Variants in DRAM1 observed in about 807,000 individuals in gnomAD.
DRAM1 encodes DNA damage-regulated autophagy modulator protein 1.
Under a neutral mutation model 28.5 loss-of-function variants are expected in DRAM1, and 25 were observed. The observed-to-expected ratio is 0.88, with a 90% CI of 0.64 to 1.23. The LOEUF (loss-of-function observed/expected upper bound fraction) is 1.23. Among genes scored for constraint, DRAM1 ranks in the 50% most tolerant of loss-of-function variants. The probability of loss-of-function intolerance (pLI) is 0.00; values close to 1 mark genes in which losing one functional copy is unlikely to be tolerated. For missense variants in DRAM1, 249 were observed against 299.2 expected (o/e 0.83, Z 1.24); for synonymous variants, 113 against 114.2 (o/e 0.99, Z 0.07).
chr12:101,883,537 A>G (rs1186848828), intron 1 of DRAM1, among the ~76,000 whole-genome samples: 1 of 151,190 alleles, frequency 6.6e-6, no homozygotes, highest in East Asian at 2.0e-4. Context: ...GGTGGTCTCG[A>G]TCTCCTGACT....
rs1873446988 is a variant in DRAM1, at chr12:101,897,910, T to G, written c.179T>G (p.Ile60Arg). 39 of 1,604,978 alleles carry G rather than the reference T, an allele frequency of 2.4e-5. No individual in the cohort carries two copies. The highest frequency in any genetic ancestry group is 3.2e-5 in the Non-Finnish European group (37 of 1,172,196). ...GAGAGTGGTATTTTTGGATTTATGA[T>G]AAACTTCTCTGCATTTCTTGGTAAG... Reference protein sequence around the residue: ...PPESGIFGFMINFSAFLGAAT... With the variant: ...PPESGIFGFMRNFSAFLGAAT... The change falls in exon 2 of 7, where the codon ATA (isoleucine) becomes AGA (arginine). Residue 60 changes from isoleucine to arginine, a missense_variant. Physicochemically the swap from Ile to Arg is moderately conservative, Grantham distance 97. This residue lies in a region of DRAM1 where 218 missense variants were observed against 243.1 expected (regional missense o/e 0.90). Transcript: ENST00000258534.
intron 3 of DRAM1, among the ~76,000 whole-genome samples, chr12:101,907,384 G>T (rs962664156): frequency 1.4e-5 from 2 of 147,758 alleles, no homozygotes; most frequent in African/African-American, 2.5e-5. Context: ...ACGTACTTTG[G>T]TTTTTTTTTT....
chr12:101,890,108 T>C (rs1225773379), intron 1 of DRAM1: 1 of 451,004 alleles, frequency 2.2e-6, no homozygotes, highest in East Asian at 7.0e-5. Context: ...AGATGAAGCC[T>C]CACTCTGTCG....
chr12:101,907,455 G>T (rs1873863355), intron 3 of DRAM1, among the ~76,000 whole-genome samples: 1 of 151,780 alleles, frequency 6.6e-6, no homozygotes, highest in Non-Finnish European at 1.5e-5. Flanking sequence ...AACAAAAAAG[G>T]CAGGGTTGGG....
chr12:101,918,471 C>G (rs555694977), intron 5 of DRAM1, among the ~76,000 whole-genome samples: 1 of 152,296 alleles, frequency 6.6e-6, no homozygotes, highest in African/African-American at 2.4e-5. Context: ...GTAGGCTGGT[C>G]AGGTCCTCCT....
At chr12:101,895,634 G>T (rs1204147359) in intron 1 of DRAM1, among the ~76,000 whole-genome samples, 1 of 132,108 alleles carries the variant, frequency 7.6e-6, no homozygotes, top group African/African-American at 2.9e-5. Flanking sequence ...ACAGTGGCAC[G>T]ATCTCGGCTC....
intron 5 of DRAM1, 73 bp downstream of exon 5, chr12:101,914,305 G>C (rs181747532): frequency 8.7e-7 from 1 of 1,151,474 alleles, no homozygotes; most frequent in East Asian, 2.4e-5. Flanking sequence ...TAGGCATAGG[G>C]AAGATCACTG....
intron 1 of DRAM1, among the ~76,000 whole-genome samples, chr12:101,879,831 T>A (rs1872628259): frequency 6.6e-6 from 1 of 151,936 alleles, no homozygotes; most frequent in Non-Finnish European, 1.5e-5. Flanking sequence ...TCATCTCTAC[T>A]AAAAATACAG....
At chr12:101,909,963 T>C (rs1053418773) in intron 4 of DRAM1, among the ~76,000 whole-genome samples, 3 of 152,234 alleles carry the variant, frequency 2.0e-5, no homozygotes, top group African/African-American at 7.2e-5. Flanking sequence ...GCGGCAATTT[T>C]GTTAGTCTGG....
chr12:101,921,164 G>A (rs374955800), intron 6 of DRAM1, 52 bp from the exon 7 acceptor site: 86 of 1,295,498 alleles, frequency 6.6e-5, no homozygotes, highest in Admixed American at 1.0e-4. Context: ...CATTGTCAAC[G>A]CTGGGATTGT....
At chr12:101,909,203 G>A (rs1873942599) in intron 4 of DRAM1, among the ~76,000 whole-genome samples, 1 of 150,380 alleles carries the variant, frequency 6.6e-6, no homozygotes. Flanking sequence ...GGAGGTTGCA[G>A]TGAGCCGAGA....
At chr12:101,891,952 A>G (rs922700625) in intron 1 of DRAM1, among the ~76,000 whole-genome samples, 1 of 152,066 alleles carries the variant, frequency 6.6e-6, no homozygotes, top group Non-Finnish European at 1.5e-5. Context: ...AAATACTACT[A>G]CCTCTGCCCT....
rs369209052 is a variant in DRAM1 at position 101,877,938 on chromosome 12, C to T, written c.131+18C>T. On this transcript the variant is annotated intron_variant, in intron 1 of 6. Transcript: ENST00000258534. This position sits in a 1 kb window ranked among gnomAD's most constrained non-coding sequence, Gnocchi z 4.1. ...TATATCAGGTGAGTGGCAGGGTGGG[C>T]GTCAGGGCCCCAGGAGCAGGCACAG... is the stretch of plus-strand genomic sequence containing the variant. The T allele has an allele frequency of 1.1e-4, 174 of 1,513,490 alleles. No individual in the cohort carries two copies. Among genetic ancestry groups the T allele is most frequent in the Middle Eastern group, 1.7e-4 (1 of 5,844 alleles). The allele number at this position is 1,513,490 out of a possible 1,614,324, so 93.8% of individuals were successfully genotyped here.
chr12:101,895,014 C>T (rs1873292324), intron 1 of DRAM1, among the ~76,000 whole-genome samples: 1 of 152,076 alleles, frequency 6.6e-6, no homozygotes, highest in African/African-American at 2.4e-5. Flanking sequence ...GGCAAAAGTG[C>T]TGCCCAAGGT....
At chr12:101,914,645 G>A (rs1488477162) in intron 5 of DRAM1, among the ~76,000 whole-genome samples, 1 of 151,720 alleles carries the variant, frequency 6.6e-6, no homozygotes, top group Admixed American at 6.6e-5. Context: ...ACAAGGCCCA[G>A]CTAATTTTTG....
rs540257165 is a variant in DRAM1, at chr12:101,885,213, C to A, written c.131+7293C>A. 2.6e-5 allele frequency among the ~76,000 whole-genome samples: 4 copies of A among 152,296 alleles called. No homozygotes were observed. The South Asian group carries it at 8.3e-4, about 32-fold the overall frequency. On this transcript the variant is annotated intron_variant, in intron 1 of 6. Transcript: ENST00000258534. Reference sequence around the variant, plus strand: ...ACAGGCGTGAGCCACCACACCCAGCCTTGCATTCTTTTTCCAATACAATTT... The same window carrying A: ...ACAGGCGTGAGCCACCACACCCAGCATTGCATTCTTTTTCCAATACAATTT...
chr12:101,913,876 G>A (rs1874136759), intron 4 of DRAM1, among the ~76,000 whole-genome samples: 1 of 152,124 alleles, frequency 6.6e-6, no homozygotes, highest in African/African-American at 2.4e-5. Flanking sequence ...GTAGGGTTGT[G>A]CAAAATGTAG....
intron 1 of DRAM1, among the ~76,000 whole-genome samples, chr12:101,882,107 ATTT>A (rs78402038): frequency 0.046 from 5,805 of 126,790 alleles, 40 homozygotes; most frequent in Middle Eastern, 0.1. Context: ...TGATGGTCTA[ATTT>A]TTTTTTTTTT....
chr12:101,901,832 T>C (rs1057223017), intron 3 of DRAM1, among the ~76,000 whole-genome samples: 1 of 149,338 alleles, frequency 6.7e-6, no homozygotes, highest in Non-Finnish European at 1.5e-5. Context: ...TGAGCCGAGA[T>C]TGTGCCACTG....
Sources: allele counts gnomAD v4.1 joint callset (sites outside exome capture counted in the v4.1 genomes callset), GRCh38; gene constraint gnomAD v4.1.1; regional missense constraint gnomAD v4.1.1; non-coding constraint Gnocchi (gnomAD v3.1); transcripts MANE v1.5; gene names NCBI Gene and HGNC (gene_info 2026-07-23, HGNC 2026-07-21).